Variants in SLC24A3 observed in about 807,000 individuals in gnomAD.
The protein encoded by SLC24A3 is sodium/potassium/calcium exchanger 3.
SLC24A3 carries 28 observed loss-of-function variants against 75.8 expected under a neutral mutation model. The observed-to-expected ratio is 0.37, with a 90% CI of 0.27 to 0.51. The LOEUF (loss-of-function observed/expected upper bound fraction) is 0.51, where lower values mean the gene tolerates loss of function less well. Among genes scored for constraint, SLC24A3 ranks in the 20% least tolerant of loss-of-function variants. The pLI is 0.94. For synonymous variants in SLC24A3, 372 were observed against 334.1 expected (o/e 1.11, Z -1.24); for missense variants, 663 against 847.8 (o/e 0.78, Z 2.71).
intron 2 of SLC24A3, among the ~76,000 whole-genome samples, chr20:19,502,052 C>G (rs1988391923): frequency 6.6e-6 from 1 of 152,026 alleles, no homozygotes; most frequent in South Asian, 2.1e-4. Flanking sequence ...CAAGCAGAGA[C>G]TGGAGGGGAT....
intron 1 of SLC24A3, among the ~76,000 whole-genome samples, chr20:19,279,277 G>A (rs946005779): frequency 5.3e-5 from 8 of 152,216 alleles, no homozygotes; most frequent in Non-Finnish European, 8.8e-5. Context: ...TTAGGCCCAC[G>A]TCTTGTGTTT....
chr20:19,689,111 A>G (rs529370648), intron 12 of SLC24A3, among the ~76,000 whole-genome samples: 16 of 152,338 alleles, frequency 1.1e-4, no homozygotes, highest in Admixed American at 9.1e-4. Context: ...ATGTAGGTAA[A>G]CACATTTCCA....
chr20:19,655,208 T>A (rs2032251712), intron 7 of SLC24A3, among the ~76,000 whole-genome samples: 1 of 152,168 alleles, frequency 6.6e-6, no homozygotes, highest in African/African-American at 2.4e-5. Flanking sequence ...GGTCAGTGTT[T>A]CCATGCAGTG....
chr20:19,681,018 G>A (rs993731839), intron 9 of SLC24A3, among the ~76,000 whole-genome samples: 8 of 152,152 alleles, frequency 5.3e-5, no homozygotes, highest in Non-Finnish European at 8.8e-5. Flanking sequence ...GCAGCCTTTT[G>A]TGACATGGAA....
chr20:19,705,405 G>A (rs964257259), intron 15 of SLC24A3, among the ~76,000 whole-genome samples: 2 of 152,186 alleles, frequency 1.3e-5, no homozygotes, highest in African/African-American at 4.8e-5. Flanking sequence ...GGCAGGGTGG[G>A]GGACATCACC....
intron 3 of SLC24A3, among the ~76,000 whole-genome samples, chr20:19,552,237 TC>T (rs1568653757): frequency 6.6e-6 from 1 of 152,112 alleles, no homozygotes; most frequent in Admixed American, 6.5e-5. Context: ...TAAGACTCTC[TC>T]TCCAGCAGAG....
At chr20:19,412,284 C>T (rs1037072821) in intron 2 of SLC24A3, among the ~76,000 whole-genome samples, 3 of 151,982 alleles carry the variant, frequency 2.0e-5, no homozygotes, top group African/African-American at 7.3e-5. Context: ...GTTGGGGTGG[C>T]AAGACAGAAC....
intron 6 of SLC24A3, among the ~76,000 whole-genome samples, chr20:19,593,528 C>T (rs1017023677): frequency 6.6e-6 from 1 of 152,196 alleles, no homozygotes; most frequent in African/African-American, 2.4e-5. Context: ...CATTTTGATC[C>T]TTTCAATAAC....
chr20:19,395,336 A>G (rs1184020878), intron 2 of SLC24A3, among the ~76,000 whole-genome samples: 1 of 152,248 alleles, frequency 6.6e-6, no homozygotes, highest in African/African-American at 2.4e-5. Flanking sequence ...ATTTTATGTC[A>G]TATGCATTTT....
At chr20:19,550,004 T>C (rs939086267) in intron 3 of SLC24A3, among the ~76,000 whole-genome samples, 4 of 152,158 alleles carry the variant, frequency 2.6e-5, no homozygotes, top group African/African-American at 9.7e-5. Flanking sequence ...TATTTGAAAA[T>C]AAAACTTCCA....
chr20:19,430,926 A>G (rs2328383), intron 2 of SLC24A3, among the ~76,000 whole-genome samples: 80,449 of 151,922 alleles, frequency 0.53, 22,505 homozygotes, highest in East Asian at 0.91. Flanking sequence ...TGGCCTTTGA[A>G]GTTGTTGATG....
In SLC24A3 at chr20:19,350,983, A is replaced by G. The variant is rs141777076; in HGVS notation, c.271+69896A>G. Among the ~76,000 whole-genome samples, 570 of 152,302 alleles carry G rather than the reference A, an allele frequency of 3.7e-3. 3 individuals are homozygous for G. The highest frequency in any genetic ancestry group is 0.013 in the African/African-American group (530 of 41,560). ...CCTTTTCTCTCCTCCTGTAGACTTT[A>G]TACATATTAATGCCCTGGCTTTCCC... On this transcript the variant is annotated intron_variant, in intron 2 of 16. Transcript: ENST00000328041.
At chr20:19,605,989 G>C (rs563354891) in intron 6 of SLC24A3, among the ~76,000 whole-genome samples, 1 of 152,274 alleles carries the variant, frequency 6.6e-6, no homozygotes, top group Admixed American at 6.5e-5. Context: ...TAAAAGCCTA[G>C]AAACATCCTC....
intron 2 of SLC24A3, among the ~76,000 whole-genome samples, chr20:19,417,444 G>A (rs1300733224): frequency 6.6e-6 from 1 of 152,216 alleles, no homozygotes; most frequent in South Asian, 2.1e-4. Flanking sequence ...TGTACAAGAT[G>A]TCAAGTGGAT....
chr20:19,567,605 A>G (rs1423738228), intron 3 of SLC24A3, among the ~76,000 whole-genome samples: 1 of 152,210 alleles, frequency 6.6e-6, no homozygotes, highest in Non-Finnish European at 1.5e-5. Flanking sequence ...AACTCCCACA[A>G]CATTCAGTTT....
At chr20:19,351,811 G>T (rs1310523473) in intron 2 of SLC24A3, among the ~76,000 whole-genome samples, 1 of 152,164 alleles carries the variant, frequency 6.6e-6, no homozygotes, top group Non-Finnish European at 1.5e-5. Flanking sequence ...CACAGAATGT[G>T]TAGAAAATGC....
At chr20:19,611,015 G>A (rs777266600) in intron 6 of SLC24A3, among the ~76,000 whole-genome samples, 2 of 152,080 alleles carry the variant, frequency 1.3e-5, no homozygotes, top group African/African-American at 2.4e-5. Flanking sequence ...ACACTGCAGA[G>A]GGCACAGCGT....
intron 15 of SLC24A3, among the ~76,000 whole-genome samples, chr20:19,715,875 G>C (rs2033040288): frequency 6.6e-6 from 1 of 152,208 alleles, no homozygotes; most frequent in African/African-American, 2.4e-5. Context: ...ACTCCCTGCA[G>C]GAGAGTGTAC....
chr20:19,710,988 C>G (rs1041178320), intron 15 of SLC24A3, among the ~76,000 whole-genome samples: 2 of 151,444 alleles, frequency 1.3e-5, no homozygotes, highest in Admixed American at 6.6e-5. Context: ...ACTCTCCACT[C>G]TTGCCCTTTG....
Sources: allele counts gnomAD v4.1 joint callset (sites outside exome capture counted in the v4.1 genomes callset), GRCh38; gene constraint gnomAD v4.1.1; transcripts MANE v1.5; gene names NCBI Gene and HGNC (gene_info 2026-07-23, HGNC 2026-07-21).